Variants in NFILZ observed in about 807,000 individuals in gnomAD.
NFILZ encodes the protein NFIL3 like basic leucine zipper.
In NFILZ at chr19:8,678,921, G is replaced by A. The variant is rs1246205347; in HGVS notation, c.*1286G>A. On this transcript the variant is annotated 3_prime_UTR_variant, in exon 6 of 6. Coordinates refer to ENST00000691075, the MANE Select transcript of NFILZ (RefSeq NM_001378600.1). ...TTCCTGTCCTGGGGTAGGAATGGGTGTTTGGGAAGAAACATACTGAAGACC... is the reference window on the plus strand; with the variant it reads ...TTCCTGTCCTGGGGTAGGAATGGGTATTTGGGAAGAAACATACTGAAGACC... Among the ~76,000 whole-genome samples the A allele has an allele frequency of 6.6e-6, 1 of 152,206 alleles. No homozygotes were observed. Among genetic ancestry groups the A allele is most frequent in the Non-Finnish European group, 1.5e-5 (1 of 68,040 alleles).
In NFILZ at chr19:8,654,988, T is replaced by C. The variant is rs73922195; in HGVS notation, c.-164+19242T>C. ...CTGTTGGGTTCCTGGGACAGGTTCC[T>C]GCCGACTCTTACCTCTGGGCCTTTG... is the stretch of plus-strand genomic sequence containing the variant. On this transcript the variant is annotated intron_variant, in intron 3 of 5. Coordinates refer to ENST00000691075, the MANE Select transcript of NFILZ (RefSeq NM_001378600.1). Among the ~76,000 whole-genome samples, 263 of 152,360 alleles carry C rather than the reference T, an allele frequency of 1.7e-3. 1 individual carries two copies. Among genetic ancestry groups the C allele is most frequent in the African/African-American group, 6.0e-3 (250 of 41,586 alleles).
At chr19:8,659,759 G>A (rs997477497) in intron 3 of NFILZ, among the ~76,000 whole-genome samples, 2 of 152,122 alleles carry the variant, frequency 1.3e-5, no homozygotes, top group African/African-American at 2.4e-5. Flanking sequence ...GCTCCAATTC[G>A]TGCCCTCTGA....
At chr19:8,671,517 G>A (rs1239382230) in intron 3 of NFILZ, among the ~76,000 whole-genome samples, 1 of 152,096 alleles carries the variant, frequency 6.6e-6, no homozygotes, top group African/African-American at 2.4e-5. Flanking sequence ...ACTGCTCAGA[G>A]TCACTCTGGC....
At chr19:8,656,487 CA>C (rs1600147804) in intron 3 of NFILZ, among the ~76,000 whole-genome samples, 4 of 95,850 alleles carry the variant, frequency 4.2e-5, no homozygotes, top group African/African-American at 1.4e-4. Context: ...TCCCGCAGCC[CA>C]CCTTCTCCCG....
chr19:8,654,324 A>AG (rs2042982492), intron 3 of NFILZ, among the ~76,000 whole-genome samples: 2 of 95,304 alleles, frequency 2.1e-5, no homozygotes, highest in Non-Finnish European at 4.8e-5. Flanking sequence ...TACTGAAAAA[A>AG]AAAAAAATTA....
intron 3 of NFILZ, among the ~76,000 whole-genome samples, chr19:8,646,588 G>A (rs1244062545): frequency 6.6e-6 from 1 of 152,076 alleles, no homozygotes; most frequent in Non-Finnish European, 1.5e-5. Context: ...GCCTAGAACC[G>A]TCAGTGGCTC....
chr19:8,663,597 A>G (rs2043042812), intron 3 of NFILZ, among the ~76,000 whole-genome samples: 1 of 151,518 alleles, frequency 6.6e-6, no homozygotes, highest in Non-Finnish European at 1.5e-5. Context: ...CACGTTGAGT[A>G]TTTGATGCTC....
chr19:8,650,831 T>A (rs962553271), intron 3 of NFILZ, among the ~76,000 whole-genome samples: 2 of 152,194 alleles, frequency 1.3e-5, no homozygotes, highest in Non-Finnish European at 2.9e-5. Flanking sequence ...TGAGGTTTCA[T>A]AATGTACATG....
chr19:8,661,077 C>T (rs1404330617), intron 3 of NFILZ, among the ~76,000 whole-genome samples: 1 of 88,392 alleles, frequency 1.1e-5, no homozygotes, highest in Non-Finnish European at 2.4e-5. Context: ...CCCTCCCTCC[C>T]TTCCTTCCCC....
chr19:8,653,040 C>CTT lies in NFILZ; in HGVS notation c.-164+17295_-164+17296insTT, dbSNP rs1263390932. 4.9e-3 allele frequency among the ~76,000 whole-genome samples: 309 copies of CTT among 62,846 alleles called. 2 individuals are homozygous for CTT. The highest frequency in any genetic ancestry group is 9.0e-3 in the Admixed American group (47 of 5,244). 41.2% of individuals were successfully genotyped at this position (62,846 alleles called of 152,430 possible). A position where few individuals can be genotyped will look rare whatever the true frequency, so the allele number is the denominator to read the frequency against. ...TCTTTCTTTCTTTCTTTCTTTCTTT[C>CTT]TCTCTCTCTCTCTCTCTCTCTCTCT... On this transcript the variant is annotated intron_variant, in intron 3 of 5. Coordinates refer to ENST00000691075, the MANE Select transcript of NFILZ (RefSeq NM_001378600.1).
At position 8,677,808 on chromosome 19, in the gene NFILZ, G is replaced by A. The variant is rs11670067; in HGVS notation, c.*173G>A. ...ACAGCTTCCATACCAGACCTCCTAG[G>A]GGTGGAGTGGATGGGAGCCCATCTT... On this transcript the variant is annotated 3_prime_UTR_variant, in exon 6 of 6. Transcript: ENST00000691075. Among the ~76,000 whole-genome samples the A allele has an allele frequency of 0.19, 28,838 of 151,924 alleles. 2,924 individuals carry two copies. The highest frequency in any genetic ancestry group is 0.24 in the Admixed American group (3,635 of 15,278).
chr19:8,651,280 G>C (rs1360251887), intron 3 of NFILZ, among the ~76,000 whole-genome samples: 2 of 151,862 alleles, frequency 1.3e-5, no homozygotes, highest in East Asian at 1.9e-4. Context: ...TCCTGCCTCA[G>C]CCTCCTGAGT....
At chr19:8,641,489 A>G (rs2146139603) in intron 3 of NFILZ, among the ~76,000 whole-genome samples, 1 of 152,312 alleles carries the variant, frequency 6.6e-6, no homozygotes, top group Middle Eastern at 3.4e-3. Context: ...AGATAGTTGT[A>G]TGGTATTGTG....
intron 3 of NFILZ, among the ~76,000 whole-genome samples, chr19:8,647,973 C>A (rs1335100064): frequency 1.3e-5 from 2 of 151,492 alleles, no homozygotes; most frequent in Non-Finnish European, 1.5e-5. Flanking sequence ...GAGATCAAGA[C>A]CATCCTGGCT....
chr19:8,670,447 A>T (rs2043081423), intron 3 of NFILZ, among the ~76,000 whole-genome samples: 1 of 152,182 alleles, frequency 6.6e-6, no homozygotes, highest in African/African-American at 2.4e-5. Context: ...TATTTTGGGA[A>T]TGAACCAATA....
At chr19:8,674,873 C>T (rs1334444353) in intron 4 of NFILZ, among the ~76,000 whole-genome samples, 1 of 152,106 alleles carries the variant, frequency 6.6e-6, no homozygotes, top group African/African-American at 2.4e-5. Flanking sequence ...GAAGAAAAAC[C>T]TATACTCCCA....
chr19:8,632,348 G>A (rs1433348763), intron 1 of NFILZ, 128 bp from the exon 2 acceptor site: 1 of 152,018 alleles, frequency 6.6e-6, no homozygotes, highest in African/African-American at 2.4e-5. Flanking sequence ...ATAGGGGCTG[G>A]GTAAAATGAG....
chr19:8,634,980 A>C (rs1297844870), intron 2 of NFILZ, among the ~76,000 whole-genome samples: 1 of 152,122 alleles, frequency 6.6e-6, no homozygotes, highest in Non-Finnish European at 1.5e-5. Context: ...GATATTTGAC[A>C]AACCACACAA....
intron 3 of NFILZ, among the ~76,000 whole-genome samples, chr19:8,656,018 G>C (rs1221254685): frequency 6.6e-6 from 1 of 151,984 alleles, no homozygotes; most frequent in African/African-American, 2.4e-5. Flanking sequence ...GGGAGAACAG[G>C]TTCTACCCTC....
Sources: allele counts gnomAD v4.1 joint callset (sites outside exome capture counted in the v4.1 genomes callset), GRCh38; gene constraint gnomAD v4.1.1; transcripts MANE v1.5; gene names NCBI Gene and HGNC (gene_info 2026-07-23, HGNC 2026-07-21).